YAP1: variants seen among roughly 807,000 people sequenced by gnomAD.
The protein encoded by YAP1 is Yes1 associated transcriptional regulator.
In YAP1, 5 loss-of-function variants were observed where a neutral mutation model predicts 56.9. That is an observed-to-expected ratio of 0.09 (90% CI 0.05 to 0.18). YAP1 has a LOEUF of 0.18. Among genes scored for constraint, YAP1 ranks in the 10% least tolerant of loss-of-function variants. The pLI is 1.00. For synonymous variants in YAP1, 265 were observed against 248.1 expected, an observed-to-expected ratio of 1.07 and a Z score of -0.64; for missense variants, 539 against 651.8, an observed-to-expected ratio of 0.83 and a Z score of 1.88.
At chr11:102,228,954 C>T (rs374996268) in intron 8 of YAP1, among the ~76,000 whole-genome samples, 2 of 152,168 alleles carry the variant, frequency 1.3e-5, no homozygotes, top group Non-Finnish European at 2.9e-5. Context: ...GATGTTAAAT[C>T]ATCCTTAGGA....
intron 3 of YAP1, among the ~76,000 whole-genome samples, chr11:102,180,542 C>T (rs113181797): frequency 0.038 from 5,734 of 151,426 alleles, 123 homozygotes; most frequent in Middle Eastern, 0.058. Flanking sequence ...ATTAGCCAGG[C>T]ATGGTGGCGG....
intron 1 of YAP1, among the ~76,000 whole-genome samples, chr11:102,112,964 C>G (rs935900210): frequency 1.3e-5 from 2 of 152,124 alleles, no homozygotes; most frequent in African/African-American, 4.8e-5. Context: ...TCCAGCAGTT[C>G]TAAAATTCAT....
chr11:102,224,424 A>G lies in YAP1; in HGVS notation c.1163+672A>G, dbSNP rs549324949. On this transcript the variant is annotated intron_variant, in intron 7 of 8. Transcript: ENST00000282441. ...GGAAGTCATTTAAGATTAAGATTTA[A>G]CTAAAATTCCTTCTTCTAGGTTGTG... Among the ~76,000 whole-genome samples the G allele has an allele frequency of 2.0e-5, 3 of 152,314 alleles. No individual in the cohort carries two copies. The East Asian group carries it at 5.8e-4, about 29-fold the overall frequency.
chr11:102,191,959 C>CCA (rs1318695334), intron 4 of YAP1, among the ~76,000 whole-genome samples: 1 of 152,138 alleles, frequency 6.6e-6, no homozygotes, highest in Non-Finnish European at 1.5e-5. Flanking sequence ...CAGGTGTGAG[C>CCA]CATAGGGCCT....
intron 4 of YAP1, among the ~76,000 whole-genome samples, chr11:102,203,066 G>C (rs1046112243): frequency 2.6e-5 from 4 of 152,212 alleles, no homozygotes; most frequent in Non-Finnish European, 4.4e-5. Context: ...GGGGGAACCT[G>C]TGTATTAAAA....
chr11:102,125,657 A>G (rs554562102), intron 2 of YAP1, among the ~76,000 whole-genome samples: 1 of 152,134 alleles, frequency 6.6e-6, no homozygotes, highest in South Asian at 2.1e-4. Flanking sequence ...GGGATTACTG[A>G]TGTCAGCCAT....
At chr11:102,220,471 C>G (rs191460850) in intron 6 of YAP1, among the ~76,000 whole-genome samples, 1 of 152,174 alleles carries the variant, frequency 6.6e-6, no homozygotes, top group African/African-American at 2.4e-5. Context: ...GGAACAAATA[C>G]ACTTTGGCAT....
chr11:102,197,075 C>A (rs1256293710), intron 4 of YAP1, among the ~76,000 whole-genome samples: 1 of 152,142 alleles, frequency 6.6e-6, no homozygotes, highest in African/African-American at 2.4e-5. Context: ...TGCTTTAAGA[C>A]CCACAGATGG....
chr11:102,227,438 G>A (rs1484888509), intron 7 of YAP1, 31 bp from the exon 8 acceptor site: 10 of 1,503,502 alleles, frequency 6.7e-6, no homozygotes, highest in Non-Finnish European at 9.2e-6. Context: ...AAAATTTTTT[G>A]TGTTGGTCTT....
At chr11:102,154,398 CT>C (rs764921562) in intron 2 of YAP1, among the ~76,000 whole-genome samples, 5 of 152,106 alleles carry the variant, frequency 3.3e-5, no homozygotes, top group Admixed American at 6.6e-5. Context: ...AGACTACTGA[CT>C]CTTCTAAGTA....
At chr11:102,115,580 C>A (rs1943230018) in intron 2 of YAP1, among the ~76,000 whole-genome samples, 1 of 148,934 alleles carries the variant, frequency 6.7e-6, no homozygotes, top group African/African-American at 2.4e-5. Context: ...TTTCCTGCAA[C>A]TTTTTCTTTT....
intron 3 of YAP1, among the ~76,000 whole-genome samples, chr11:102,175,307 G>A (rs1947177511): frequency 6.6e-6 from 1 of 152,074 alleles, no homozygotes; most frequent in Admixed American, 6.6e-5. Context: ...GGCTGAGGTG[G>A]GAGAATTGCT....
In YAP1 at chr11:102,232,723, A is replaced by G. The variant is rs1382175754; in HGVS notation, c.*2783A>G. On this transcript the variant is annotated 3_prime_UTR_variant, in exon 9 of 9. Transcript: ENST00000282441. The stretch of plus-strand genomic sequence containing the variant: ...CTTGAATTGCTTTTACAATAAACCA[A>G]TTTTATAATCTTTAAATTTATCAAC... 6.6e-6 allele frequency: 1 copy of G among 152,624 alleles called. No individual in the cohort carries two copies. The highest frequency in any genetic ancestry group is 1.5e-5 in the Non-Finnish European group (1 of 68,038). The allele number at this position is 152,624 out of a possible 1,614,324, so 9.5% of individuals were successfully genotyped here.
intron 7 of YAP1, among the ~76,000 whole-genome samples, chr11:102,225,171 T>C (rs1385491718): frequency 7.0e-6 from 1 of 142,424 alleles, no homozygotes; most frequent in African/African-American, 2.5e-5. Flanking sequence ...GACTTTGACT[T>C]TTTTTTTCTT....
chr11:102,114,346 C>T lies in YAP1; in HGVS notation c.524C>T (p.Ala175Val). 1 of 1,614,064 alleles carries T rather than the reference C, an allele frequency of 6.2e-7. No homozygotes were observed. Among genetic ancestry groups the T allele is most frequent in the Non-Finnish European group, 8.5e-7 (1 of 1,179,954 alleles). Residue 175 changes from alanine (A) to valine (V), a missense_variant, in exon 2 of 9, where the codon GCA becomes GTA. This residue lies in a region of YAP1 where 414 missense variants were observed against 512.4 expected (regional missense o/e 0.81). Transcript: ENST00000282441. ...ATACCTGATGATGTACCTCTGCCAG[C>T]AGGTTGGGAGATGGCAAAGACATCT... ...FEIPDDVPLP[A>V]GWEMAKTSSG...
At chr11:102,188,025 G>C (rs906012358) in intron 4 of YAP1, among the ~76,000 whole-genome samples, 2 of 152,184 alleles carry the variant, frequency 1.3e-5, no homozygotes, top group Non-Finnish European at 2.9e-5. Flanking sequence ...TAACTGAAGG[G>C]GGGCAGGAAA....
At chr11:102,190,519 A>G (rs1164399938) in intron 4 of YAP1, among the ~76,000 whole-genome samples, 2 of 152,088 alleles carry the variant, frequency 1.3e-5, no homozygotes, top group African/African-American at 4.8e-5. Context: ...GTAGTCACTC[A>G]GGAGGCTGAG....
At chr11:102,134,662 C>G (rs1346791906) in intron 2 of YAP1, among the ~76,000 whole-genome samples, 1 of 152,018 alleles carries the variant, frequency 6.6e-6, no homozygotes, top group African/African-American at 2.4e-5. Flanking sequence ...TCTCACAGAT[C>G]ACATCCCTTT....
chr11:102,120,874 G>A (rs1207765777), intron 2 of YAP1, among the ~76,000 whole-genome samples: 1 of 152,178 alleles, frequency 6.6e-6, no homozygotes, highest in African/African-American at 2.4e-5. Flanking sequence ...TCAACTTCTC[G>A]TATATCCTGA....
Sources: gnomAD v4.1 joint callset for allele counts (sites outside exome capture counted in the v4.1 genomes callset) on GRCh38, gnomAD v4.1.1 for gene constraint, gnomAD v4.1.1 regional missense constraint, MANE v1.5 for transcripts, NCBI Gene and HGNC (gene_info 2026-07-23, HGNC 2026-07-21) for gene names.